SYTL5: variants seen among roughly 807,000 people sequenced by gnomAD.
The protein encoded by SYTL5 is synaptotagmin-like protein 5.
SYTL5 carries 34 observed loss-of-function variants against 55.9 expected under a neutral mutation model. That is an observed-to-expected ratio of 0.61 (90% CI 0.46 to 0.81). The LOEUF (loss-of-function observed/expected upper bound fraction) is 0.81, where lower values mean the gene tolerates loss of function less well. SYTL5 is among the 30% of genes least tolerant of loss of function. The pLI is 0.00. For missense variants in SYTL5, 637 were observed against 546.7 expected (o/e 1.17, Z -1.65); for synonymous variants, 221 against 188.7 (o/e 1.17, Z -1.40).
chrX:38,094,054 A>C (rs985155043), intron 7 of SYTL5, among the ~76,000 whole-genome samples: 5 of 111,143 alleles, frequency 4.5e-5, no homozygotes, highest in African/African-American at 1.6e-4. Context: ...GGGAATGAGA[A>C]ATTGTCCGGA....
At chrX:37,935,445 A>T in the SYTL5 span, among the ~76,000 whole-genome samples, 1 of 112,560 alleles carries the variant, frequency 8.9e-6, no homozygotes, top group Non-Finnish European at 1.9e-5. Flanking sequence ...ATAGTTAAAC[A>T]TATATAAAGT....
chrX:37,909,738 G>C, the SYTL5 span, among the ~76,000 whole-genome samples: 3 of 109,334 alleles, frequency 2.7e-5, no homozygotes, highest in Admixed American at 9.8e-5. Flanking sequence ...GCAATGGCGT[G>C]ATCTCAGCTC....
At chrX:37,969,125 T>A in the SYTL5 span, among the ~76,000 whole-genome samples, 3 of 111,426 alleles carry the variant, frequency 2.7e-5, no homozygotes, top group African/African-American at 6.6e-5. Flanking sequence ...TTTAAATAGA[T>A]CTTTAAGCAA....
chrX:37,909,752 G>A, the SYTL5 span, among the ~76,000 whole-genome samples: 1 of 109,400 alleles, frequency 9.1e-6, no homozygotes, highest in East Asian at 2.8e-4. Flanking sequence ...TCAGCTCACT[G>A]CAACCTCTGC....
intron 16 of SYTL5, 106 bp from the exon 17 acceptor site, chrX:38,126,482 T>A: frequency 1.2e-6 from 1 of 802,305 alleles, no homozygotes; most frequent in Non-Finnish European, 1.8e-6. Flanking sequence ...AACAAGCCAG[T>A]AAAAGGTACT....
At chrX:37,920,122 A>G in the SYTL5 span, among the ~76,000 whole-genome samples, 1 of 111,588 alleles carries the variant, frequency 9.0e-6, no homozygotes, top group Non-Finnish European at 1.9e-5. Context: ...GCCCATGTGG[A>G]TTTGCGCATT....
intron 13 of SYTL5, among the ~76,000 whole-genome samples, chrX:38,114,276 C>T (rs1236946876): frequency 8.9e-6 from 1 of 111,863 alleles, no homozygotes; most frequent in Admixed American, 9.5e-5. Flanking sequence ...CCTTCCCAAT[C>T]CATCTTCATC....
the SYTL5 span, among the ~76,000 whole-genome samples, chrX:37,897,340 G>C: frequency 9.1e-6 from 1 of 109,943 alleles, no homozygotes; most frequent in Non-Finnish European, 1.9e-5. Flanking sequence ...AAAATTATCC[G>C]GGCGTGGTGT....
chrX:37,922,168 T>A, the SYTL5 span, among the ~76,000 whole-genome samples: 1 of 111,664 alleles, frequency 9.0e-6, no homozygotes, highest in African/African-American at 3.3e-5. Flanking sequence ...TGCCCAGAAG[T>A]ATTGGGTGTA....
At chrX:38,113,227 G>C (rs1293984497) in intron 13 of SYTL5, among the ~76,000 whole-genome samples, 2 of 112,132 alleles carry the variant, frequency 1.8e-5, no homozygotes, top group African/African-American at 6.5e-5. Context: ...ATGTCAGGTA[G>C]TTAGACAAGG....
chrX:37,893,537 AATAT>A, the SYTL5 span, among the ~76,000 whole-genome samples: 1 of 89,646 alleles, frequency 1.1e-5, no homozygotes, highest in Non-Finnish European at 2.1e-5. Flanking sequence ...ATCTATAGAT[AATAT>A]ATAATCTATA....
intron 9 of SYTL5, 86 bp downstream of exon 9, chrX:38,096,320 A>G: frequency 3.9e-6 from 2 of 507,231 alleles, no homozygotes; most frequent in Admixed American, 3.0e-5. Flanking sequence ...TTAGGTGATG[A>G]TGAGTTGAGA....
At chrX:38,002,263 C>G (rs1234277012), upstream of SYTL5, among the ~76,000 whole-genome samples, 3 of 112,107 alleles carry the variant, frequency 2.7e-5, no homozygotes, top group South Asian at 3.7e-4. Context: ...TCCAGTCTAA[C>G]ATTGTTGGAC....
chrX:37,977,590 C>G, the SYTL5 span, among the ~76,000 whole-genome samples: 1 of 108,997 alleles, frequency 9.2e-6, no homozygotes, highest in Admixed American at 9.9e-5. Context: ...ATTCTGTACT[C>G]TACTTTGTGG....
chrX:38,045,460 T>C (rs1935431854), intron 2 of SYTL5, among the ~76,000 whole-genome samples: 1 of 112,126 alleles, frequency 8.9e-6, no homozygotes, highest in South Asian at 3.7e-4. Context: ...TGGATTTGGG[T>C]TTTTTGTTTT....
rs761925262 is a variant in SYTL5, at chrX:38,126,791, T to C, written c.*61T>C. On this transcript the variant is annotated 3_prime_UTR_variant, in exon 17 of 17. Coordinates refer to ENST00000297875, the MANE Select transcript of SYTL5 (RefSeq NM_138780.3). ...CTATCTGGCTGTCTTTTCCTACCAT[T>C]AGCAAACTGAGACCTGGGATTCTGC... 7 of 1,097,177 alleles carry C rather than the reference T, an allele frequency of 6.4e-6. No individual in the cohort carries two copies. The highest frequency in any genetic ancestry group is 8.6e-6 in the Non-Finnish European group (7 of 816,318). 90.4% of individuals were successfully genotyped at this position (1,097,177 alleles called of 1,213,427 possible).
intron 15 of SYTL5, among the ~76,000 whole-genome samples, chrX:38,122,900 C>T (rs1937587455): frequency 8.9e-6 from 1 of 112,459 alleles, no homozygotes; most frequent in African/African-American, 3.2e-5. Flanking sequence ...ACACAAAATG[C>T]ACATGTGCCA....
intron 2 of SYTL5, among the ~76,000 whole-genome samples, chrX:38,050,214 T>C (rs1430081985): frequency 1.8e-5 from 2 of 112,454 alleles, no homozygotes; most frequent in African/African-American, 6.5e-5. Flanking sequence ...TGTAAAATGG[T>C]GTTCAGTACA....
intron 1 of SYTL5, among the ~76,000 whole-genome samples, chrX:38,029,258 C>T (rs1460681860): frequency 3.6e-5 from 4 of 111,973 alleles, no homozygotes; most frequent in Non-Finnish European, 7.5e-5. Flanking sequence ...TCACTCAAAC[C>T]TTCAAGCATA....
Sources: gnomAD v4.1 joint callset for allele counts (sites outside exome capture counted in the v4.1 genomes callset) on GRCh38, gnomAD v4.1.1 for gene constraint, MANE v1.5 for transcripts, NCBI Gene and HGNC (gene_info 2026-07-23, HGNC 2026-07-21) for gene names.